The following COL28A1 variants were observed in gnomAD, a reference collection of about 807,000 sequenced individuals.
COL28A1 encodes collagen type XXVIII alpha 1 chain, also known as collagen alpha-1(XXVIII) chain.
Under a neutral mutation model 150.2 loss-of-function variants are expected in COL28A1, and 161 were observed. The ratio of observed to expected loss-of-function variants is 1.07; its 90% confidence interval spans 0.94 to 1.22. The LOEUF (loss-of-function observed/expected upper bound fraction) is 1.22, where lower values mean the gene tolerates loss of function less well. Among genes scored for constraint, COL28A1 ranks in the 50% most tolerant of loss-of-function variants. The probability of loss-of-function intolerance (pLI) is 0.00; values close to 1 mark genes in which losing one functional copy is unlikely to be tolerated. For synonymous variants in COL28A1, 552 were observed against 469.7 expected (o/e 1.18, Z -2.26); for missense variants, 1,617 against 1,388.3 (o/e 1.16, Z -2.62).
At chr7:7,352,063 C>A (rs1231079394), downstream of COL28A1, among the ~76,000 whole-genome samples, 2 of 152,178 alleles carry the variant, frequency 1.3e-5, no homozygotes, top group Non-Finnish European at 2.9e-5. Flanking sequence ...TTGGTCTCCA[C>A]AACCCTCACT....
At chr7:7,448,734 T>C (rs1786459097) in intron 18 of COL28A1, among the ~76,000 whole-genome samples, 1 of 151,968 alleles carries the variant, frequency 6.6e-6, no homozygotes, top group Non-Finnish European at 1.5e-5. Flanking sequence ...GATAAATAAA[T>C]TGTGGTATAT....
chr7:7,480,463 A>G (rs142360041), intron 13 of COL28A1, among the ~76,000 whole-genome samples: 62 of 152,340 alleles, frequency 4.1e-4, no homozygotes, highest in Non-Finnish European at 8.1e-4. Flanking sequence ...GAGCATGAAA[A>G]TTATTAATAG....
At chr7:7,433,357 C>T (rs996674001) in intron 23 of COL28A1, among the ~76,000 whole-genome samples, 4 of 151,972 alleles carry the variant, frequency 2.6e-5, no homozygotes, top group South Asian at 2.1e-4. Context: ...TACAAGTGGC[C>T]GGGTGCGGTG....
intron 11 of COL28A1, among the ~76,000 whole-genome samples, chr7:7,502,977 G>A (rs199855347): frequency 2.2e-5 from 1 of 46,210 alleles, no homozygotes; most frequent in South Asian, 5.8e-4. Flanking sequence ...GATTACAGGC[G>A]TGATATTCCC....
intron 3 of COL28A1, among the ~76,000 whole-genome samples, chr7:7,527,281 C>T (rs1469018990): frequency 6.6e-6 from 1 of 152,220 alleles, no homozygotes; most frequent in African/African-American, 2.4e-5. Flanking sequence ...CACACAGCAA[C>T]CCGAGTAGGA....
chr7:7,498,517 T>C (rs965388852), intron 11 of COL28A1, among the ~76,000 whole-genome samples: 3 of 152,108 alleles, frequency 2.0e-5, no homozygotes, highest in African/African-American at 7.2e-5. Context: ...GTTGAGACAA[T>C]GAAAAACTTT....
chr7:7,439,183 C>T (rs1785567260), intron 21 of COL28A1, among the ~76,000 whole-genome samples: 1 of 152,172 alleles, frequency 6.6e-6, no homozygotes, highest in African/African-American at 2.4e-5. Flanking sequence ...GACTCCTGCC[C>T]AGGGCCGTGT....
Position 7,531,859 on chromosome 7 carries a change from T to A in COL28A1, c.170A>T (p.Glu57Val). The A allele has an allele frequency of 1.2e-6, 2 of 1,610,162 alleles. No individual in the cohort carries two copies. Among genetic ancestry groups the A allele is most frequent in the Non-Finnish European group, 1.7e-6 (2 of 1,176,466 alleles). ...IDIVFIVDSS[E>V]SSKIALFDKQ... ...ATCAAAGAGGGCAATTTTAGAACTT[T>A]CAGAGCTGTCCACGATGAAGACAAT... The change falls in exon 3 of 35, where the codon GAA (glutamate) becomes GTA (valine). Residue 57 changes from glutamate to valine, a missense_variant. Transcript: ENST00000399429.
Position 7,402,704 on chromosome 7 carries a change from T to C in COL28A1, c.2136+15155A>G, listed in dbSNP as rs146583715. Among the ~76,000 whole-genome samples, 603 of 152,306 alleles carry C rather than the reference T, an allele frequency of 4.0e-3. 4 individuals are homozygous for C. Among genetic ancestry groups the C allele is most frequent in the Non-Finnish European group, 6.6e-3 (451 of 68,016 alleles). On this transcript the variant is annotated intron_variant, in intron 27 of 34. Transcript: ENST00000399429. Reference sequence around the variant, plus strand: ...CATAGGTCCTTATTTTCTCCCCCACTGTATGTTTTGATATTTTCTTGCCAA... The same window carrying C: ...CATAGGTCCTTATTTTCTCCCCCACCGTATGTTTTGATATTTTCTTGCCAA...
At chr7:7,524,506 T>G (rs777051211) in intron 3 of COL28A1, among the ~76,000 whole-genome samples, 2 of 152,204 alleles carry the variant, frequency 1.3e-5, no homozygotes, top group Non-Finnish European at 2.9e-5. Context: ...GCATTCTATG[T>G]TTTATCTTTT....
At chr7:7,506,966 T>C (rs1448909714) in intron 10 of COL28A1, 151 bp downstream of exon 10, 5 of 523,206 alleles carry the variant, frequency 9.6e-6, no homozygotes, top group Middle Eastern at 5.7e-4. Flanking sequence ...CACATTGTAA[T>C]CTTCTGGGTA....
chr7:7,346,815 G>T, the COL28A1 span, among the ~76,000 whole-genome samples: 1 of 152,024 alleles, frequency 6.6e-6, no homozygotes, highest in Non-Finnish European at 1.5e-5. Context: ...TTTGAACTAA[G>T]TTCTGGGAAA....
chr7:7,500,784 C>A (rs1370145353), intron 11 of COL28A1, among the ~76,000 whole-genome samples: 1 of 152,122 alleles, frequency 6.6e-6, no homozygotes, highest in Non-Finnish European at 1.5e-5. Flanking sequence ...ATATCATTAA[C>A]CTGAAAAATA....
intron 31 of COL28A1, among the ~76,000 whole-genome samples, chr7:7,374,024 T>TAAAAAAAAAAAAAAAAA: frequency 8.6e-6 from 1 of 116,380 alleles, no homozygotes; most frequent in African/African-American, 4.3e-5. Flanking sequence ...ACTTGACTCT[T>TAAAAAAAAAAAAAAAAA]AAAAAAAAAA....
intron 25 of COL28A1, among the ~76,000 whole-genome samples, chr7:7,427,175 G>A (rs548710872): frequency 4.3e-4 from 66 of 152,344 alleles, no homozygotes; most frequent in Middle Eastern, 3.4e-3. Context: ...AGATTTTAGA[G>A]ATCAGGCATA....
the COL28A1 span, among the ~76,000 whole-genome samples, chr7:7,338,466 AT>A: frequency 6.6e-6 from 1 of 151,884 alleles, no homozygotes; most frequent in African/African-American, 2.4e-5. Flanking sequence ...TGTAAATAGG[AT>A]TGTGTTCTTG....
At chr7:7,476,772 C>A (rs1375699128) in intron 14 of COL28A1, among the ~76,000 whole-genome samples, 1 of 152,130 alleles carries the variant, frequency 6.6e-6, no homozygotes, top group Non-Finnish European at 1.5e-5. Flanking sequence ...AAGCTGTGAG[C>A]AAAGAATTGC....
At chr7:7,536,888 G>GT (rs1395759380), upstream of COL28A1, among the ~76,000 whole-genome samples, 1 of 152,110 alleles carries the variant, frequency 6.6e-6, no homozygotes, top group East Asian at 1.9e-4. Flanking sequence ...CCTATATACA[G>GT]TAAGTCCTCA....
rs951080835 is a variant in COL28A1 at position 7,461,672 on chromosome 7, G to A, written c.1303-5560C>T. Among the ~76,000 whole-genome samples, 11 of 152,160 alleles carry A rather than the reference G, an allele frequency of 7.2e-5. 1 individual carries two copies. In the South Asian group the frequency reaches 1.5e-3, roughly 20 times the overall value. On this transcript the variant is annotated intron_variant, in intron 15 of 34. Transcript: ENST00000399429. ...GCAGAGGCAGCCATTATCCTCCTAG[G>A]TATACAATTCCATTGATCTGGGAAC...
Sources: allele counts gnomAD v4.1 joint callset (sites outside exome capture counted in the v4.1 genomes callset), GRCh38; gene constraint gnomAD v4.1.1; transcripts MANE v1.5; gene names NCBI Gene and HGNC (gene_info 2026-07-23, HGNC 2026-07-21).